The following CSMD1 variants were observed in gnomAD, a reference collection of about 807,000 sequenced individuals.
The protein encoded by CSMD1 is CUB and sushi domain-containing protein 1.
A neutral mutation model predicts 417.5 loss-of-function variants in CSMD1; 213 were observed. That is an observed-to-expected ratio of 0.51 (90% CI 0.46 to 0.57). CSMD1 has a LOEUF of 0.57. Ranked by LOEUF, CSMD1 falls within the 20% of genes least tolerant of loss-of-function variation. The probability of loss-of-function intolerance (pLI) is 0.00; values close to 1 mark genes in which losing one functional copy is unlikely to be tolerated. For synonymous variants in CSMD1, 2,862 were observed against 1,736.8 expected (o/e 1.65, Z -16.11); for missense variants, 6,923 against 4,529.7 (o/e 1.53, Z -15.17).
rs1181684294 is a variant in CSMD1 at position 4,258,958 on chromosome 8, A to C, written c.415+160995T>G. 5.3e-5 allele frequency among the ~76,000 whole-genome samples: 8 copies of C among 152,316 alleles called. No individual in the cohort carries two copies. The East Asian group carries it at 1.5e-3, about 29-fold the overall frequency. ...CTTATTTCATCGACTTAATACACTAAGGTGTATAAATGTCTAACTAAGACT... is the reference window on the plus strand; with the variant it reads ...CTTATTTCATCGACTTAATACACTACGGTGTATAAATGTCTAACTAAGACT... On this transcript the variant is annotated intron_variant, in intron 3 of 69. Transcript: ENST00000635120.
intron 3 of CSMD1, among the ~76,000 whole-genome samples, chr8:4,286,232 T>A (rs1244703103): frequency 6.6e-6 from 1 of 152,148 alleles, no homozygotes; most frequent in African/African-American, 2.4e-5. Context: ...CTTGCCAAGC[T>A]CCATTGCGTC....
intron 5 of CSMD1, among the ~76,000 whole-genome samples, chr8:3,871,898 A>T (rs1805504742): frequency 6.6e-6 from 1 of 152,212 alleles, no homozygotes; most frequent in African/African-American, 2.4e-5. Flanking sequence ...TTTTGAAATA[A>T]AGATAAAATG....
intron 5 of CSMD1, among the ~76,000 whole-genome samples, chr8:3,771,371 C>T (rs577300294): frequency 6.6e-5 from 10 of 152,274 alleles, no homozygotes; most frequent in African/African-American, 2.4e-4. Context: ...CATTGCTTCA[C>T]ACTCTGCAAA....
intron 1 of CSMD1, among the ~76,000 whole-genome samples, chr8:4,696,346 G>C (rs1280772630): frequency 3.3e-5 from 5 of 152,174 alleles, no homozygotes; most frequent in Non-Finnish European, 5.9e-5. Flanking sequence ...TTATTGTTTA[G>C]TTCATCTACT....
chr8:3,322,493 G>C (rs1032144774), intron 23 of CSMD1, among the ~76,000 whole-genome samples: 5 of 152,142 alleles, frequency 3.3e-5, no homozygotes, highest in African/African-American at 9.7e-5. Context: ...TGCCTTAAGG[G>C]TTCTGGAAGT....
At chr8:3,657,794 T>C (rs1798205841) in intron 7 of CSMD1, among the ~76,000 whole-genome samples, 1 of 152,104 alleles carries the variant, frequency 6.6e-6, no homozygotes, top group African/African-American at 2.4e-5. Flanking sequence ...TGTATAACTA[T>C]GTAACAAACA....
At chr8:4,695,070 A>G (rs1030655073) in intron 1 of CSMD1, among the ~76,000 whole-genome samples, 6 of 152,186 alleles carry the variant, frequency 3.9e-5, no homozygotes, top group South Asian at 2.1e-4. Context: ...AATGTTCTTA[A>G]CTAACCAAGC....
rs908188397 is a variant in CSMD1, at chr8:3,887,285, C to T, written c.818+110618G>A. ...GTGGTGACACAACCACCTGGGAGGC[C>T]CACGGTACATCCTCCCCCCATCGCC... On this transcript the variant is annotated intron_variant, in intron 5 of 69. Transcript: ENST00000635120. Among the ~76,000 whole-genome samples, 3 of 152,116 alleles carry T rather than the reference C, an allele frequency of 2.0e-5. No individual in the cohort carries two copies. In the South Asian group the frequency reaches 6.2e-4, roughly 32 times the overall value.
intron 12 of CSMD1, among the ~76,000 whole-genome samples, chr8:3,459,688 C>T (rs1245651417): frequency 2.6e-5 from 4 of 152,116 alleles, no homozygotes; most frequent in South Asian, 2.1e-4. Context: ...ACCGGATATA[C>T]TTCAGGAATT....
intron 2 of CSMD1, among the ~76,000 whole-genome samples, chr8:4,599,362 GA>G (rs199865637): frequency 1.6e-3 from 240 of 150,544 alleles, no homozygotes; most frequent in Middle Eastern, 3.4e-3. Flanking sequence ...CACCCTGGAA[GA>G]ATTTTTTTTT....
At chr8:3,507,850 G>C (rs534938282) in intron 10 of CSMD1, among the ~76,000 whole-genome samples, 2 of 152,006 alleles carry the variant, frequency 1.3e-5, no homozygotes, top group Non-Finnish European at 2.9e-5. Flanking sequence ...TTTTGATGGG[G>C]TTGTTTGTTT....
chr8:3,308,529 A>C (rs561429695), intron 23 of CSMD1, 26 bp from the exon 24 acceptor site: 1 of 1,584,512 alleles, frequency 6.3e-7, no homozygotes, highest in East Asian at 2.3e-5. Context: ...GCAAGGAATG[A>C]ACAGAACTCA....
intron 36 of CSMD1, among the ~76,000 whole-genome samples, chr8:3,186,630 T>C (rs1821776977): frequency 1.3e-5 from 2 of 152,150 alleles, no homozygotes; most frequent in Non-Finnish European, 1.5e-5. Flanking sequence ...TTTTAACCTA[T>C]TGAGTAAAAG....
At chr8:4,396,015 T>G (rs1340028318) in intron 3 of CSMD1, among the ~76,000 whole-genome samples, 1 of 152,216 alleles carries the variant, frequency 6.6e-6, no homozygotes. Context: ...TATAATCATT[T>G]TGTTCTAATT....
intron 5 of CSMD1, among the ~76,000 whole-genome samples, chr8:3,992,114 G>T (rs1814796046): frequency 7.0e-6 from 1 of 143,140 alleles, no homozygotes. Flanking sequence ...AAGGAGAAAT[G>T]TGTATATATA....
chr8:3,463,816 T>C (rs1283872589), intron 12 of CSMD1, among the ~76,000 whole-genome samples: 1 of 152,198 alleles, frequency 6.6e-6, no homozygotes, highest in Non-Finnish European at 1.5e-5. Flanking sequence ...CCAAGAATGG[T>C]AAAGATGCTG....
chr8:4,869,059 C>T (rs1205326800), intron 1 of CSMD1, among the ~76,000 whole-genome samples: 1 of 151,820 alleles, frequency 6.6e-6, no homozygotes. Context: ...ACATTATCAT[C>T]AGTTTCCAGT....
chr8:4,042,454 A>G (rs1177623797), intron 3 of CSMD1, among the ~76,000 whole-genome samples: 1 of 152,046 alleles, frequency 6.6e-6, no homozygotes, highest in Non-Finnish European at 1.5e-5. Flanking sequence ...TATGACAAAA[A>G]TATTTTGCAA....
At chr8:3,992,922 G>T (rs569482949) in intron 5 of CSMD1, among the ~76,000 whole-genome samples, 2 of 152,236 alleles carry the variant, frequency 1.3e-5, no homozygotes, top group Non-Finnish European at 2.9e-5. Context: ...ACAAAAGATT[G>T]AATTGTTAAC....
Sources: allele counts gnomAD v4.1 joint callset (sites outside exome capture counted in the v4.1 genomes callset), GRCh38; gene constraint gnomAD v4.1.1; transcripts MANE v1.5; gene names NCBI Gene and HGNC (gene_info 2026-07-23, HGNC 2026-07-21).